CUX2: variants seen among roughly 807,000 people sequenced by gnomAD.
CUX2 encodes the protein homeobox protein cut-like 2.
A neutral mutation model predicts 144.8 loss-of-function variants in CUX2; 40 were observed. That is an observed-to-expected ratio of 0.28 (90% confidence interval 0.21 to 0.36). CUX2 has a LOEUF of 0.36. Ranked by LOEUF, CUX2 falls within the 10% of genes least tolerant of loss-of-function variation. The pLI, the probability that CUX2 is intolerant of heterozygous loss-of-function variation, is 1.00. For synonymous variants in CUX2, 827 were observed against 875.6 expected (o/e 0.94, Z 0.98); for missense variants, 1,615 against 1,994.0 (o/e 0.81, Z 3.62).
rs1319970241 is a variant in CUX2 at position 111,293,322 on chromosome 12, C to G, written c.437-124C>G. The G allele has an allele frequency of 1.4e-6, 2 of 1,412,794 alleles. No individual in the cohort carries two copies. The highest frequency in any genetic ancestry group is 2.6e-5 in the East Asian group (1 of 39,104). The allele number at this position is 1,412,794 out of a possible 1,614,324, so 87.5% of individuals were successfully genotyped here. A position where few individuals can be genotyped will look rare whatever the true frequency, so the allele number is the denominator to read the frequency against. ...GCCCGCAGGGCCCCACAGCTGCGCT[C>G]TCTCCAAGGCCCAAGTTTGGGAAAT... On this transcript the variant is annotated intron_variant, in intron 5 of 21. Transcript: ENST00000261726. This position sits in a 1 kb window ranked among gnomAD's most constrained non-coding sequence, Gnocchi z 4.5.
chr12:111,076,991 C>T (rs1360022338), intron 1 of CUX2, among the ~76,000 whole-genome samples: 1 of 152,170 alleles, frequency 6.6e-6, no homozygotes, highest in Non-Finnish European at 1.5e-5. Context: ...ACATAAACGG[C>T]CAAAGGATGG....
intron 1 of CUX2, among the ~76,000 whole-genome samples, chr12:111,187,807 G>C (rs1296594455): frequency 6.6e-6 from 1 of 152,216 alleles, no homozygotes; most frequent in African/African-American, 2.4e-5. Context: ...TTGGCCCACA[G>C]ATGTCTGTGC....
At chr12:111,265,309 TTTTTATTTTATTTTATTTTA>T (rs199678456) in intron 4 of CUX2, among the ~76,000 whole-genome samples, 21 of 143,720 alleles carry the variant, frequency 1.5e-4, no homozygotes, top group South Asian at 6.7e-4. Flanking sequence ...TTTTATTTTA[TTTTTATTTTATTTTATTTTA>T]TTTTATTTTA....
chr12:111,307,013 G>T lies in CUX2; in HGVS notation c.951G>T (p.Val317=). Residue 317 remains valine (V), a synonymous_variant, in exon 11 of 22, where the codon GTG becomes GTT. Coordinates refer to ENST00000261726, the MANE Select transcript of CUX2 (RefSeq NM_015267.4). The surrounding 1 kb of genome is among the most constrained non-coding windows in gnomAD (Gnocchi z 4.1). Reference sequence around the variant, plus strand: ...AGATCCTGCGGCTGCTGAAGGACGTGCAGCACCTCCAGAGCTCACTGCAGG... The same window carrying T: ...AGATCCTGCGGCTGCTGAAGGACGTTCAGCACCTCCAGAGCTCACTGCAGG... The part of the protein sequence containing the change: ...DREILRLLKD[V]QHLQSSLQEL... 1.2e-6 allele frequency: 2 copies of T among 1,613,822 alleles called. No homozygotes were observed. Among genetic ancestry groups the T allele is most frequent in the Non-Finnish European group, 1.7e-6 (2 of 1,179,978 alleles).
At chr12:111,344,773 A>G (rs539074968) in intron 21 of CUX2, among the ~76,000 whole-genome samples, 1 of 152,312 alleles carries the variant, frequency 6.6e-6, no homozygotes, top group South Asian at 2.1e-4. Context: ...CAGGGGCAAG[A>G]AAATATAAGC....
At chr12:111,319,510 G>A (rs1887394898) in intron 16 of CUX2, among the ~76,000 whole-genome samples, 1 of 152,072 alleles carries the variant, frequency 6.6e-6, no homozygotes, top group African/African-American at 2.4e-5. Context: ...AGGCTGAGGT[G>A]TAGATCACTT....
At position 111,247,926 on chromosome 12, in the gene CUX2, ACAGAGT is replaced by A. The variant is rs576730802; in HGVS notation, c.223-15833_223-15828del. On this transcript the variant is annotated intron_variant, in intron 3 of 21. Coordinates refer to ENST00000261726, the MANE Select transcript of CUX2 (RefSeq NM_015267.4). ...GTTTGTTTGTTTCTTTGTTTTTGAG[ACAGAGT>A]CTCTTGCTCTGTCACCCAGGCTAGA... is the stretch of plus-strand genomic sequence containing the variant. Among the ~76,000 whole-genome samples, 4 of 152,322 alleles carry A rather than the reference ACAGAGT, an allele frequency of 2.6e-5. No individual in the cohort carries two copies. In the East Asian group the frequency reaches 7.7e-4, roughly 29 times the overall value.
Position 111,330,708 on chromosome 12 carries a change from T to TACATATAC in CUX2, c.2927-3732_2927-3731insCATATACA, listed in dbSNP as rs1376918595. 6.7e-3 allele frequency among the ~76,000 whole-genome samples: 150 copies of TACATATAC among 22,344 alleles called. 7 individuals carry two copies. The highest frequency in any genetic ancestry group is 0.019 in the Middle Eastern group (1 of 54). The allele number at this position is 22,344 out of a possible 152,430, so 14.7% of individuals were successfully genotyped here. A position where few individuals can be genotyped will look rare whatever the true frequency, so the allele number is the denominator to read the frequency against. On this transcript the variant is annotated intron_variant, in intron 18 of 21. Transcript: ENST00000261726. ...ATACATATATATATATATATATATA[T>TACATATAC]ATATATATATATATATATATATATA...
At chr12:111,232,215 AT>A (rs1275786090) in intron 3 of CUX2, among the ~76,000 whole-genome samples, 125 of 74,202 alleles carry the variant, frequency 1.7e-3, no homozygotes, top group African/African-American at 6.8e-3. Context: ...AAAAAAAAAT[AT>A]ATATATATAT....
chr12:111,207,022 GTAGA>G (rs1880958500), intron 1 of CUX2, among the ~76,000 whole-genome samples: 1 of 152,164 alleles, frequency 6.6e-6, no homozygotes, highest in Non-Finnish European at 1.5e-5. Context: ...GATTAGTTGG[GTAGA>G]TAGATGTATG....
intron 3 of CUX2, among the ~76,000 whole-genome samples, chr12:111,253,824 T>C: frequency 1.3e-5 from 1 of 75,734 alleles, no homozygotes; most frequent in African/African-American, 1.2e-4. Flanking sequence ...AAACAGCCTT[T>C]TTTTTTTTTT....
intron 1 of CUX2, among the ~76,000 whole-genome samples, chr12:111,047,202 G>T (rs75877900): frequency 6.6e-6 from 1 of 152,224 alleles, no homozygotes; most frequent in East Asian, 1.9e-4. Context: ...TGGAATTCTC[G>T]GCTGGGGCTG....
chr12:111,299,599 G>A (rs1187090713), intron 9 of CUX2, among the ~76,000 whole-genome samples: 2 of 152,206 alleles, frequency 1.3e-5, no homozygotes, highest in Non-Finnish European at 2.9e-5. Flanking sequence ...TACCGTGGTG[G>A]TGGTAACCGC....
chr12:111,067,879 C>T (rs1871086694), intron 1 of CUX2, among the ~76,000 whole-genome samples: 1 of 152,208 alleles, frequency 6.6e-6, no homozygotes, highest in African/African-American at 2.4e-5. Flanking sequence ...TGGGCAGTGA[C>T]ATGGCCATGT....
chr12:111,310,357 T>A lies in CUX2; in HGVS notation c.1575T>A (p.Pro525=). The A allele has an allele frequency of 6.4e-7, 1 of 1,574,468 alleles. No homozygotes were observed. The highest frequency in any genetic ancestry group is 8.6e-7 in the Non-Finnish European group (1 of 1,156,500). The stretch of plus-strand genomic sequence containing the variant: ...CCACAGCCCCTGCCACCCCGGCCCC[T>A]GGCCCTGAGCCACTGGGCGGTCCTG... ...KPPTAPATPA[P]GPEPLGGPEP... is the part of the protein sequence containing the mutation. Residue 525 remains proline (P), a synonymous_variant, in exon 15 of 22, where the codon CCT becomes CCA. Coordinates refer to ENST00000261726, the MANE Select transcript of CUX2 (RefSeq NM_015267.4). The surrounding 1 kb of genome is among the most constrained non-coding windows in gnomAD (Gnocchi z 7.9).
intron 4 of CUX2, among the ~76,000 whole-genome samples, chr12:111,285,944 G>C (rs982903461): frequency 6.6e-6 from 1 of 152,172 alleles, no homozygotes; most frequent in African/African-American, 2.4e-5. Flanking sequence ...CGGATTTCAG[G>C]GATAATATCA....
intron 1 of CUX2, among the ~76,000 whole-genome samples, chr12:111,133,747 T>A (rs1035311655): frequency 6.6e-6 from 1 of 152,124 alleles, no homozygotes; most frequent in South Asian, 2.1e-4. Flanking sequence ...TAGGATTGTC[T>A]TGTATGGCAG....
intron 4 of CUX2, among the ~76,000 whole-genome samples, chr12:111,272,901 C>T (rs1342854647): frequency 1.3e-5 from 2 of 152,178 alleles, no homozygotes; most frequent in Non-Finnish European, 2.9e-5. Context: ...GGTTGGAGAG[C>T]GGACTGAATG....
Position 111,160,438 on chromosome 12 carries a change from GTGTC to G in CUX2, c.64-53759_64-53756del, listed in dbSNP as rs1250669154. Among the ~76,000 whole-genome samples the G allele has an allele frequency of 2.0e-5, 3 of 152,144 alleles. No homozygotes were observed. Among genetic ancestry groups the G allele is most frequent in the Non-Finnish European group, 4.4e-5 (3 of 68,032 alleles). ...TGTGTAGTGCAGGGTGTGTGTGAGT[GTGTC>G]TGAGCCTTCATCTCTGTGCCTGTGT... On this transcript the variant is annotated intron_variant, in intron 1 of 21. Transcript: ENST00000261726. The surrounding 1 kb of genome is among the most constrained non-coding windows in gnomAD (Gnocchi z 4.1).
Sources: allele counts gnomAD v4.1 joint callset (sites outside exome capture counted in the v4.1 genomes callset), GRCh38; gene constraint gnomAD v4.1.1; non-coding constraint Gnocchi (gnomAD v3.1); transcripts MANE v1.5; gene names NCBI Gene and HGNC (gene_info 2026-07-23, HGNC 2026-07-21).